Variants in KDELR2 observed in about 807,000 individuals in gnomAD.
KDELR2 encodes ER lumen protein-retaining receptor 2.
A neutral mutation model predicts 23.9 loss-of-function variants in KDELR2; 15 were observed. The ratio of observed to expected loss-of-function variants is 0.63; its 90% CI spans 0.42 to 0.97. The LOEUF is 0.97. KDELR2 is among the 50% of genes least tolerant of loss of function. The pLI is 0.00. For synonymous variants in KDELR2, 119 were observed against 106.2 expected, an observed-to-expected ratio of 1.12 and a Z score of -0.74; for missense variants, 272 against 254.6, an observed-to-expected ratio of 1.07 and a Z score of -0.46.
chr7:6,464,681 C>T (rs534150011), intron 4 of KDELR2, among the ~76,000 whole-genome samples: 36 of 150,264 alleles, frequency 2.4e-4, no homozygotes, highest in Non-Finnish European at 4.4e-4. Flanking sequence ...GAGAGAGACT[C>T]GGTCTCAAAA....
At chr7:6,465,638 C>T (rs1435006459) in intron 4 of KDELR2, among the ~76,000 whole-genome samples, 2 of 152,082 alleles carry the variant, frequency 1.3e-5, no homozygotes, top group Admixed American at 6.6e-5. Context: ...GCCTGACCAC[C>T]CATGAATGGG....
At chr7:6,465,430 G>T (rs891866232) in intron 4 of KDELR2, among the ~76,000 whole-genome samples, 1 of 150,920 alleles carries the variant, frequency 6.6e-6, no homozygotes, top group African/African-American at 2.4e-5. Flanking sequence ...TGATCCGCCC[G>T]CCTCGGCCTC....
At chr7:6,480,023 A>G (rs187998191) in intron 1 of KDELR2, among the ~76,000 whole-genome samples, 5 of 152,342 alleles carry the variant, frequency 3.3e-5, no homozygotes, top group East Asian at 3.9e-4. Flanking sequence ...TATGGACACC[A>G]TAAGATCCAG....
rs1298327760 is a variant in KDELR2, at chr7:6,484,008, A to G, written c.50T>C (p.Val17Ala). The G allele has an allele frequency of 6.5e-7, 1 of 1,529,752 alleles. No individual in the cohort carries two copies. The highest frequency in any genetic ancestry group is 1.2e-5 in the South Asian group (1 of 84,480). 94.8% of individuals were successfully genotyped at this position (1,529,752 alleles called of 1,614,324 possible). A position where few individuals can be genotyped will look rare whatever the true frequency, so the allele number is the denominator to read the frequency against. Residue 17 changes from valine to alanine, a missense_variant, in exon 1 of 5, where the codon GTC becomes GCC. Val to Ala is a moderately conservative substitution (Grantham distance 64, BLOSUM62 0). Coordinates refer to ENST00000258739, the MANE Select transcript of KDELR2 (RefSeq NM_006854.4). ...CTTCCAGATCTTCAGCAGCAGGATG[A>G]CGATGGCCGCCAGGTGGGACAGGTC... ...TGDLSHLAAI[V>A]ILLLKIWKTR...
chr7:6,468,211 T>C (rs1785542932), intron 3 of KDELR2, among the ~76,000 whole-genome samples: 1 of 152,148 alleles, frequency 6.6e-6, no homozygotes. Context: ...TTTACACCAG[T>C]CATGAACATT....
intron 2 of KDELR2, among the ~76,000 whole-genome samples, chr7:6,473,791 C>T (rs762471357): frequency 3.9e-5 from 6 of 152,156 alleles, no homozygotes; most frequent in Non-Finnish European, 8.8e-5. Flanking sequence ...ACTAGGAGTC[C>T]TGCTTTCGTT....
chr7:6,482,138 G>C (rs1033186809), intron 1 of KDELR2, among the ~76,000 whole-genome samples: 1 of 152,096 alleles, frequency 6.6e-6, no homozygotes, highest in African/African-American at 2.4e-5. Context: ...GAGTAGCTGG[G>C]ATTACAGGCA....
rs545602811 is a variant in KDELR2, at chr7:6,469,006, T to C, written c.351+590A>G. Among the ~76,000 whole-genome samples the C allele has an allele frequency of 1.3e-3, 191 of 148,218 alleles. 1 individual carries two copies. Among genetic ancestry groups the C allele is most frequent in the South Asian group, 3.0e-3 (14 of 4,680 alleles). The stretch of plus-strand genomic sequence containing the variant: ...TTACTCTCTCGCCCAGGCTGGAGTG[T>C]AGTGGCACAATCTCAGCTCACTGCA... On this transcript the variant is annotated intron_variant, in intron 3 of 4. Transcript: ENST00000258739.
At chr7:6,469,963 T>C (rs745616102) in intron 2 of KDELR2, 22 of 407,388 alleles carry the variant, frequency 5.4e-5, no homozygotes, top group Non-Finnish European at 9.1e-5. Context: ...GGACACAGAA[T>C]AGTTCCATCA....
Position 6,463,109 on chromosome 7 carries a change from G to C in KDELR2, c.*32C>G, listed in dbSNP as rs1182852584. ...GGTAAGAATTCTGTCCGAGCACCCT[G>C]AAGGACAGATGCTGGTGATGGTCTT... is the stretch of plus-strand genomic sequence containing the variant. On this transcript the variant is annotated 3_prime_UTR_variant, in exon 5 of 5. Transcript: ENST00000258739. The C allele has an allele frequency of 1.2e-6, 2 of 1,614,136 alleles. No individual in the cohort carries two copies. Among genetic ancestry groups the C allele is most frequent in the East Asian group, 2.2e-5 (1 of 44,874 alleles).
chr7:6,461,930 T>A lies in KDELR2; in HGVS notation c.*1211A>T, dbSNP rs1348756189. On this transcript the variant is annotated 3_prime_UTR_variant, in exon 5 of 5. Transcript: ENST00000258739. ...CAGATGATTATGTGAACTTTAAATG[T>A]CTGCAGCCCTACAGAGCTTTTGTTG... is the stretch of plus-strand genomic sequence containing the variant. 6.6e-6 allele frequency: 1 copy of A among 152,166 alleles called. No homozygotes were observed. Among genetic ancestry groups the A allele is most frequent in the Admixed American group, 6.6e-5 (1 of 15,254 alleles). The allele number at this position is 152,166 out of a possible 1,614,324, so 9.4% of individuals were successfully genotyped here. A position where few individuals can be genotyped will look rare whatever the true frequency, so the allele number is the denominator to read the frequency against.
rs751146579 is a variant in KDELR2 at position 6,463,056 on chromosome 7, C to T, written c.*85G>A. 15 of 1,614,130 alleles carry T rather than the reference C, an allele frequency of 9.3e-6. No homozygotes were observed. Among genetic ancestry groups the T allele is most frequent in the East Asian group, 2.2e-5 (1 of 44,884 alleles). ...CAAAAGAGTTAAGTTTCTGATTTTC[C>T]GTATCAAGCATCTTATGCCTTTGCT... On this transcript the variant is annotated 3_prime_UTR_variant, in exon 5 of 5. Transcript: ENST00000258739.
At chr7:6,472,292 C>T (rs957004647) in intron 2 of KDELR2, among the ~76,000 whole-genome samples, 7 of 152,262 alleles carry the variant, frequency 4.6e-5, no homozygotes, top group East Asian at 3.9e-4. Flanking sequence ...ACTTGATGGG[C>T]GTTATTTCCA....
At position 6,462,883 on chromosome 7, in the gene KDELR2, C is replaced by A. The variant is rs533269684; in HGVS notation, c.*258G>T. ...GAACTATCCCAATTGAAGCTACACACTGAATTTATTAATACAGCATTAAGT... is the reference window on the plus strand; with the variant it reads ...GAACTATCCCAATTGAAGCTACACAATGAATTTATTAATACAGCATTAAGT... On this transcript the variant is annotated 3_prime_UTR_variant, in exon 5 of 5. Transcript: ENST00000258739. 1.7e-6 allele frequency: 2 copies of A among 1,198,832 alleles called. No homozygotes were observed. The highest frequency in any genetic ancestry group is 1.6e-5 in the South Asian group (1 of 61,180). The allele number at this position is 1,198,832 out of a possible 1,614,324, so 74.3% of individuals were successfully genotyped here. A position where few individuals can be genotyped will look rare whatever the true frequency, so the allele number is the denominator to read the frequency against.
At chr7:6,471,243 A>G (rs1465798460) in intron 2 of KDELR2, among the ~76,000 whole-genome samples, 3 of 121,574 alleles carry the variant, frequency 2.5e-5, no homozygotes, top group Non-Finnish European at 3.2e-5. Context: ...GTGCAGTGGC[A>G]CAATCTCGGC....
At chr7:6,467,284 A>G (rs1785522553) in intron 3 of KDELR2, among the ~76,000 whole-genome samples, 1 of 152,124 alleles carries the variant, frequency 6.6e-6, no homozygotes, top group African/African-American at 2.4e-5. Context: ...GTTTTTCCTC[A>G]CTGACTGATC....
rs1212743253 is a variant in KDELR2 at position 6,474,210 on chromosome 7, T to G, written c.166A>C (p.Ile56Leu). The G allele has an allele frequency of 6.2e-7, 1 of 1,612,732 alleles. No homozygotes were observed. The highest frequency in any genetic ancestry group is 8.5e-7 in the Non-Finnish European group (1 of 1,178,886). Reference protein sequence around the residue: ...TRYLDLFTSFISLYNTSMKVI... With the variant: ...TRYLDLFTSFLSLYNTSMKVI... ...TTCATAGATGTGTTATACAATGAAA[T>G]AAATGAAGTAAAAAGATCCAGGTAA... The change falls in exon 2 of 5, where the codon ATT becomes CTT. Residue 56 changes from isoleucine to leucine, a missense_variant. Physicochemically the swap from Ile to Leu is conservative, Grantham distance 5 (BLOSUM62 2). Coordinates refer to ENST00000258739, the MANE Select transcript of KDELR2 (RefSeq NM_006854.4).
chr7:6,477,848 C>T (rs766144737), intron 1 of KDELR2, among the ~76,000 whole-genome samples: 1 of 152,162 alleles, frequency 6.6e-6, no homozygotes, highest in East Asian at 1.9e-4. Context: ...ACGGAAATAA[C>T]TACCCAGATT....
intron 1 of KDELR2, among the ~76,000 whole-genome samples, chr7:6,479,635 C>A (rs957144060): frequency 6.6e-6 from 1 of 152,110 alleles, no homozygotes; most frequent in Admixed American, 6.5e-5. Flanking sequence ...CGCCACCATG[C>A]CCGGCTAATT....
Sources: gnomAD v4.1 joint callset for allele counts (sites outside exome capture counted in the v4.1 genomes callset) on GRCh38, gnomAD v4.1.1 for gene constraint, MANE v1.5 for transcripts, NCBI Gene and HGNC (gene_info 2026-07-23, HGNC 2026-07-21) for gene names.